The following L3HYPDH variants were observed in gnomAD, a reference collection of about 807,000 sequenced individuals.
L3HYPDH encodes the protein trans-L-3-hydroxyproline dehydratase.
L3HYPDH carries 32 observed loss-of-function variants against 26.5 expected under a neutral mutation model. That is an observed-to-expected ratio of 1.21 (90% CI 0.91 to 1.62). The LOEUF is 1.62. Among genes scored for constraint, L3HYPDH ranks in the 40% most tolerant of loss-of-function variants. L3HYPDH has a pLI of 0.00. For missense variants in L3HYPDH, 554 were observed against 476.4 expected (o/e 1.16, Z -1.52); for synonymous variants, 215 against 196.6 (o/e 1.09, Z -0.78).
At chr14:59,494,995 T>A in the L3HYPDH span, 1 of 1,567,864 alleles carries the variant, frequency 6.4e-7, no homozygotes, top group Non-Finnish European at 8.8e-7. Flanking sequence ...TTTCTAGTAA[T>A]CATGCCTCTT....
upstream of L3HYPDH, among the ~76,000 whole-genome samples, chr14:59,489,185 C>A (rs924573810): frequency 7.1e-5 from 9 of 126,604 alleles, no homozygotes; most frequent in Non-Finnish European, 3.3e-5. Flanking sequence ...CTCCGCTTTC[C>A]TTTTTAAGTA....
the L3HYPDH span, among the ~76,000 whole-genome samples, chr14:59,494,582 C>A: frequency 6.6e-6 from 1 of 152,124 alleles, no homozygotes; most frequent in Non-Finnish European, 1.5e-5. Flanking sequence ...ACATGGTTGC[C>A]TCTAAGGGAG....
At chr14:59,489,650 G>A in the L3HYPDH span, among the ~76,000 whole-genome samples, 1 of 152,282 alleles carries the variant, frequency 6.6e-6, no homozygotes, top group African/African-American at 2.4e-5. Context: ...TCAGTTTTCT[G>A]TTAGTCCATT....
chr14:59,504,493 T>TA, the L3HYPDH span: 1 of 158,894 alleles, frequency 6.3e-6, no homozygotes, highest in Non-Finnish European at 1.4e-5. Context: ...TAATGAATTG[T>TA]AAAAACAAAC....
intron 1 of L3HYPDH, among the ~76,000 whole-genome samples, chr14:59,481,881 G>T (rs1244342348): frequency 2.0e-5 from 3 of 152,162 alleles, no homozygotes; most frequent in Non-Finnish European, 4.4e-5. Context: ...TCTCCTAAAA[G>T]AGTTGTTTTG....
the L3HYPDH span, among the ~76,000 whole-genome samples, chr14:59,500,170 A>AT: frequency 2.1e-4 from 32 of 152,314 alleles, no homozygotes; most frequent in African/African-American, 7.2e-4. Flanking sequence ...TGAAAAGTTG[A>AT]TTGAGGACCT....
chr14:59,484,921 T>C, upstream of L3HYPDH: 1 of 1,455,826 alleles, frequency 6.9e-7, no homozygotes, highest in Non-Finnish European at 9.0e-7. Context: ...CGGGTGATAG[T>C]GCAGAAAAAA....
intron 1 of L3HYPDH, 198 bp downstream of exon 1, chr14:59,483,611 A>C: frequency 7.0e-7 from 1 of 1,433,876 alleles, no homozygotes; most frequent in East Asian, 2.5e-5. Flanking sequence ...GGCGGATGGG[A>C]GTCAGGGAAA....
the L3HYPDH span, chr14:59,495,334 T>TCTGC: frequency 8.0e-6 from 6 of 746,444 alleles, no homozygotes; most frequent in African/African-American, 1.1e-4. Context: ...GAGTTCTGGG[T>TCTGC]CTGCCAGCGG....
chr14:59,484,536 C>A (rs1161213817), upstream of L3HYPDH: 7 of 1,558,846 alleles, frequency 4.5e-6, no homozygotes, highest in Non-Finnish European at 6.1e-6. Context: ...ATGTTCGGTG[C>A]AGCTGCCAGA....
At chr14:59,478,408 C>T (rs1889783370) in intron 2 of L3HYPDH, among the ~76,000 whole-genome samples, 1 of 151,994 alleles carries the variant, frequency 6.6e-6, no homozygotes, top group African/African-American at 2.4e-5. Context: ...TATATAAACA[C>T]ACACACACAC....
At chr14:59,497,133 A>G in the L3HYPDH span, among the ~76,000 whole-genome samples, 3 of 152,278 alleles carry the variant, frequency 2.0e-5, no homozygotes, top group East Asian at 5.8e-4. Flanking sequence ...CAAATTGAAA[A>G]ATACCACAGG....
chr14:59,494,121 G>GGTGTGTGTGTGTGT, the L3HYPDH span, among the ~76,000 whole-genome samples: 35 of 151,072 alleles, frequency 2.3e-4, no homozygotes, highest in African/African-American at 8.3e-4. Flanking sequence ...AGAAAATTTG[G>GGTGTGTGTGTGTGT]GTGTGTGTGT....
chr14:59,473,394 G>C (rs562246356), intron 4 of L3HYPDH, among the ~76,000 whole-genome samples: 1 of 152,188 alleles, frequency 6.6e-6, no homozygotes, highest in Admixed American at 6.5e-5. Context: ...AGATGGAGAA[G>C]GGGAATATAT....
rs201009479 is a variant in L3HYPDH, at chr14:59,478,329, C to T, written c.678+853G>A. On this transcript the variant is annotated intron_variant, in intron 2 of 4. Transcript: ENST00000247194. Reference sequence around the variant, plus strand: ...CTGTAATCCCAACACTTTGGGAGGCCGAGCTGGGAGAATCACTTGAGGCCA... The same window carrying T: ...CTGTAATCCCAACACTTTGGGAGGCTGAGCTGGGAGAATCACTTGAGGCCA... 1.1e-4 allele frequency among the ~76,000 whole-genome samples: 17 copies of T among 152,144 alleles called. No homozygotes were observed. The East Asian group carries it at 2.5e-3, about 22-fold the overall frequency.
At chr14:59,471,005 G>C (rs965682413), downstream of L3HYPDH, among the ~76,000 whole-genome samples, 1 of 147,786 alleles carries the variant, frequency 6.8e-6, no homozygotes, top group African/African-American at 2.5e-5. Context: ...AAGGTTAATT[G>C]ATGAGGCAAG....
At chr14:59,497,256 T>G in the L3HYPDH span, among the ~76,000 whole-genome samples, 1 of 152,198 alleles carries the variant, frequency 6.6e-6, no homozygotes, top group Non-Finnish European at 1.5e-5. Context: ...ACTAAAACTT[T>G]AAGAATGAGT....
chr14:59,479,224 A>T lies in L3HYPDH; in HGVS notation c.636T>A (p.Leu212=). The stretch of plus-strand genomic sequence containing the variant: ...CTGTCACTGCACTCGCTGCATCCAC[A>T]AGGTCCCTGGTCTTTGCAGAACAAA... ...LDICSAKTRD[L]VDAASAVTEA... The change falls in exon 2 of 5, where the codon CTT becomes CTA. Residue 212 remains leucine (L), a synonymous_variant. Coordinates refer to ENST00000247194, the MANE Select transcript of L3HYPDH (RefSeq NM_144581.2). 6.2e-7 allele frequency: 1 copy of T among 1,611,284 alleles called. No homozygotes were observed. Among genetic ancestry groups the T allele is most frequent in the Non-Finnish European group, 8.5e-7 (1 of 1,179,452 alleles).
the L3HYPDH span, chr14:59,494,939 T>C: frequency 1.0e-6 from 1 of 987,808 alleles, no homozygotes. Context: ...AATCTGTATC[T>C]TGACACATGT....
Sources: gnomAD v4.1 joint callset for allele counts (sites outside exome capture counted in the v4.1 genomes callset) on GRCh38, gnomAD v4.1.1 for gene constraint, MANE v1.5 for transcripts, NCBI Gene and HGNC (gene_info 2026-07-23, HGNC 2026-07-21) for gene names.